Variants in RIMBP2 observed in about 807,000 individuals in gnomAD.
RIMBP2 encodes the protein RIMS binding protein 2, also known as RIMS-binding protein 2.
RIMBP2 carries 48 observed loss-of-function variants against 118.6 expected under a neutral mutation model. The observed-to-expected ratio is 0.40, with a 90% CI of 0.32 to 0.51. The LOEUF (loss-of-function observed/expected upper bound fraction) is 0.51. RIMBP2 is among the 20% of genes least tolerant of loss of function. The pLI is 0.41. For missense variants in RIMBP2, 1,551 were observed against 1,768.3 expected (o/e 0.88, Z 2.20); for synonymous variants, 762 against 742.9 (o/e 1.03, Z -0.42).
rs1028723289 is a variant in RIMBP2, at chr12:130,523,083, C to A, written c.-216-5166G>T. Among the ~76,000 whole-genome samples, 6 of 151,826 alleles carry A rather than the reference C, an allele frequency of 4.0e-5. No individual in the cohort carries two copies. The highest frequency in any genetic ancestry group is 2.0e-4 in the Admixed American group (3 of 15,222). On this transcript the variant is annotated intron_variant, in intron 2 of 22. Coordinates refer to ENST00000690449, the MANE Select transcript of RIMBP2 (RefSeq NM_001393629.1). This position sits in a 1 kb window ranked among gnomAD's most constrained non-coding sequence, Gnocchi z 4.4. Reference sequence around the variant, plus strand: ...CTCTGCCTCTCTGTCTCTGTCTCCACGTCTCTGTTTCTCTGCTTCTTCTGT... The same window carrying A: ...CTCTGCCTCTCTGTCTCTGTCTCCAAGTCTCTGTTTCTCTGCTTCTTCTGT...
At chr12:130,584,025 C>T (rs560011197) in intron 2 of RIMBP2, among the ~76,000 whole-genome samples, 30 of 148,598 alleles carry the variant, frequency 2.0e-4, no homozygotes, top group African/African-American at 6.9e-4. Context: ...CATTACATCA[C>T]CATCACCCCC....
At chr12:130,478,840 C>A in intron 5 of RIMBP2, 72 bp downstream of exon 5, 2 of 1,160,556 alleles carry the variant, frequency 1.7e-6, no homozygotes, top group Non-Finnish European at 2.5e-6. Flanking sequence ...GGCCGCTCCA[C>A]CACACCAGGG....
intron 2 of RIMBP2, among the ~76,000 whole-genome samples, chr12:130,530,031 G>T (rs1201816054): frequency 6.6e-6 from 1 of 152,154 alleles, no homozygotes; most frequent in Admixed American, 6.5e-5. Context: ...AGGGAAAAGA[G>T]ACAAACCTAT....
rs138330132 is a variant in RIMBP2, at chr12:130,567,198, T to C, written c.-216-49281A>G. Among the ~76,000 whole-genome samples, 7 of 152,300 alleles carry C rather than the reference T, an allele frequency of 4.6e-5. No homozygotes were observed. The East Asian group carries it at 1.4e-3, about 29-fold the overall frequency. On this transcript the variant is annotated intron_variant, in intron 2 of 22. Transcript: ENST00000690449. ...AGATGGGTGAAATCTTTATAAGTAT[T>C]CACATAATCATCATCTATGGATTCA...
At chr12:130,549,920 G>A (rs552085615) in intron 2 of RIMBP2, among the ~76,000 whole-genome samples, 4 of 152,198 alleles carry the variant, frequency 2.6e-5, no homozygotes, top group South Asian at 2.1e-4. Flanking sequence ...TTAGCTCTTT[G>A]AGGAGTCGCC....
intron 1 of RIMBP2, among the ~76,000 whole-genome samples, chr12:130,690,727 G>A (rs571302116): frequency 2.2e-4 from 34 of 152,234 alleles, no homozygotes; most frequent in African/African-American, 6.3e-4. Context: ...TCCAAACACC[G>A]AGGAAAATGA....
chr12:130,666,538 G>A (rs969007586), intron 1 of RIMBP2, among the ~76,000 whole-genome samples: 9 of 152,244 alleles, frequency 5.9e-5, no homozygotes, highest in Admixed American at 1.3e-4. Flanking sequence ...TTTCACTATC[G>A]CCTGCTGTGA....
chr12:130,670,547 A>G lies in RIMBP2; in HGVS notation c.-351-42091T>C, dbSNP rs1168609924. Among the ~76,000 whole-genome samples, 1 of 152,026 alleles carries G rather than the reference A, an allele frequency of 6.6e-6. No individual in the cohort carries two copies. Among genetic ancestry groups the G allele is most frequent in the Non-Finnish European group, 1.5e-5 (1 of 68,016 alleles). ...CAGCTCCTTAGCCGACTTTATATAT[A>G]TGGAGGTCTCAACATAAAGTTTACA... On this transcript the variant is annotated intron_variant, in intron 1 of 22. Coordinates refer to ENST00000690449, the MANE Select transcript of RIMBP2 (RefSeq NM_001393629.1). The surrounding 1 kb of genome is among the most constrained non-coding windows in gnomAD (Gnocchi z 4.9).
At chr12:130,497,900 C>A (rs1280721083) in intron 4 of RIMBP2, among the ~76,000 whole-genome samples, 1 of 152,182 alleles carries the variant, frequency 6.6e-6, no homozygotes, top group East Asian at 1.9e-4. Context: ...GTGGGGAGAT[C>A]CTTGTCTGAC....
At chr12:130,436,246 A>G (rs909743072) in intron 13 of RIMBP2, among the ~76,000 whole-genome samples, 1 of 152,062 alleles carries the variant, frequency 6.6e-6, no homozygotes, top group Non-Finnish European at 1.5e-5. Flanking sequence ...CACAATCCAC[A>G]TGCTCTCTCC....
chr12:130,710,119 G>A lies in RIMBP2; in HGVS notation c.-352+6103C>T, dbSNP rs1949798285. On this transcript the variant is annotated intron_variant, in intron 1 of 22. Transcript: ENST00000690449. The surrounding 1 kb of genome is among the most constrained non-coding windows in gnomAD (Gnocchi z 4.3). Reference sequence around the variant, plus strand: ...CTCTGCAGCCCCTGTGGTCCCAGCTGCTCCAAAAACACCCAAGGAGCAATT... The same window carrying A: ...CTCTGCAGCCCCTGTGGTCCCAGCTACTCCAAAAACACCCAAGGAGCAATT... Among the ~76,000 whole-genome samples, 1 of 152,132 alleles carries A rather than the reference G, an allele frequency of 6.6e-6. No individual in the cohort carries two copies. The highest frequency in any genetic ancestry group is 6.6e-5 in the Admixed American group (1 of 15,264).
chr12:130,561,802 T>C lies in RIMBP2; in HGVS notation c.-216-43885A>G, dbSNP rs560378747. On this transcript the variant is annotated intron_variant, in intron 2 of 22. Coordinates refer to ENST00000690449, the MANE Select transcript of RIMBP2 (RefSeq NM_001393629.1). ...TAGTTTTCAAACTCTCCTTTAATTT[T>C]AACCCACACAACTCTTTTGCTGCAC... is the stretch of plus-strand genomic sequence containing the variant. Among the ~76,000 whole-genome samples the C allele has an allele frequency of 3.1e-3, 475 of 152,290 alleles. 4 individuals carry two copies. The highest frequency in any genetic ancestry group is 0.011 in the African/African-American group (442 of 41,554).
chr12:130,600,511 G>A (rs1406444694), intron 2 of RIMBP2, among the ~76,000 whole-genome samples: 1 of 151,838 alleles, frequency 6.6e-6, no homozygotes, highest in Non-Finnish European at 1.5e-5. Flanking sequence ...CCACTGTCCA[G>A]TAGGATGTCA....
chr12:130,572,363 C>A (rs1190126997), intron 2 of RIMBP2, among the ~76,000 whole-genome samples: 1 of 152,170 alleles, frequency 6.6e-6, no homozygotes, highest in Non-Finnish European at 1.5e-5. Context: ...ACCCCCGCAA[C>A]CAGCAGTCAC....
At chr12:130,560,320 C>A (rs563009951) in intron 2 of RIMBP2, among the ~76,000 whole-genome samples, 1 of 151,952 alleles carries the variant, frequency 6.6e-6, no homozygotes, top group Admixed American at 6.6e-5. Flanking sequence ...AGGGCAGAGT[C>A]GGGGGTCTCG....
rs2077352755 is a variant in RIMBP2, at chr12:130,434,356, C to G, written c.2253+378G>C. On this transcript the variant is annotated intron_variant, in intron 14 of 22. Coordinates refer to ENST00000690449, the MANE Select transcript of RIMBP2 (RefSeq NM_001393629.1). The surrounding 1 kb of genome is among the most constrained non-coding windows in gnomAD (Gnocchi z 5.7). ...GTTATTTTTGGCTCCCATGATGCCT[C>G]CCTAGCACACAGATGGCCAACAAAC... Among the ~76,000 whole-genome samples the G allele has an allele frequency of 6.6e-6, 1 of 152,168 alleles. No individual in the cohort carries two copies.
chr12:130,568,186 C>T (rs1382736024), intron 2 of RIMBP2, among the ~76,000 whole-genome samples: 1 of 152,174 alleles, frequency 6.6e-6, no homozygotes, highest in South Asian at 2.1e-4. Context: ...GGCAGGGTTT[C>T]TCATAACTTC....
At chr12:130,661,031 C>T (rs2063637936) in intron 1 of RIMBP2, among the ~76,000 whole-genome samples, 1 of 152,350 alleles carries the variant, frequency 6.6e-6, no homozygotes, top group Admixed American at 6.5e-5. Flanking sequence ...CCAGCCTGGC[C>T]AACATGGCAA....
At position 130,578,180 on chromosome 12, in the gene RIMBP2, G is replaced by T. The variant is rs2058218568; in HGVS notation, c.-217+50142C>A. ...TAAAGGTAGTGCAGGCTTGGAAGCT[G>T]ATGAGGAGGCATGGGTCAGGGCCTG... is the stretch of plus-strand genomic sequence containing the variant. On this transcript the variant is annotated intron_variant, in intron 2 of 22. Transcript: ENST00000690449. This position sits in a 1 kb window ranked among gnomAD's most constrained non-coding sequence, Gnocchi z 4.1. 6.6e-6 allele frequency among the ~76,000 whole-genome samples: 1 copy of T among 152,182 alleles called. No individual in the cohort carries two copies. Among genetic ancestry groups the T allele is most frequent in the Non-Finnish European group, 1.5e-5 (1 of 68,046 alleles).
Sources: allele counts gnomAD v4.1 joint callset (sites outside exome capture counted in the v4.1 genomes callset), GRCh38; gene constraint gnomAD v4.1.1; non-coding constraint Gnocchi (gnomAD v3.1); transcripts MANE v1.5; gene names NCBI Gene and HGNC (gene_info 2026-07-23, HGNC 2026-07-21).